Variants in HDAC9 observed in about 807,000 individuals in gnomAD.
HDAC9 encodes histone deacetylase 9, also known as MEF-2 interacting transcription repressor (MITR) protein.
Under a neutral mutation model 139.4 loss-of-function variants are expected in HDAC9, and 41 were observed. The ratio of observed to expected loss-of-function variants is 0.29; its 90% CI spans 0.23 to 0.38. The LOEUF (loss-of-function observed/expected upper bound fraction) is 0.38, where lower values mean the gene tolerates loss of function less well. Ranked by LOEUF, HDAC9 falls within the 10% of genes least tolerant of loss-of-function variation. The pLI, the probability that HDAC9 is intolerant of heterozygous loss-of-function variation, is 1.00. For synonymous variants in HDAC9, 517 were observed against 476.2 expected, an observed-to-expected ratio of 1.09 and a Z score of -1.12; for missense variants, 1,147 against 1,297.0, an observed-to-expected ratio of 0.88 and a Z score of 1.78.
intron 24 of HDAC9, among the ~76,000 whole-genome samples, chr7:18,954,790 A>G (rs955789484): frequency 5.3e-5 from 8 of 152,216 alleles, no homozygotes; most frequent in Admixed American, 1.3e-4. Flanking sequence ...GAAGATTAGC[A>G]TGAAGAGGAA....
chr7:18,743,347 GA>G (rs553932293), intron 13 of HDAC9, among the ~76,000 whole-genome samples: 3 of 151,830 alleles, frequency 2.0e-5, no homozygotes, highest in African/African-American at 7.2e-5. Context: ...TGACTTACAT[GA>G]AAAAAAGACA....
chr7:18,680,016 A>C (rs2129089509), intron 12 of HDAC9, among the ~76,000 whole-genome samples: 1 of 152,072 alleles, frequency 6.6e-6, no homozygotes, highest in African/African-American at 2.4e-5. Flanking sequence ...CAGGATGACA[A>C]TTACTATGGC....
intron 12 of HDAC9, among the ~76,000 whole-genome samples, chr7:18,710,231 G>A (rs1197212255): frequency 6.6e-6 from 1 of 152,148 alleles, no homozygotes; most frequent in Non-Finnish European, 1.5e-5. Flanking sequence ...TCCCACCCAT[G>A]ACACGTGGGA....
chr7:18,192,312 G>A (rs1006055016), intron 2 of HDAC9, among the ~76,000 whole-genome samples: 2 of 152,112 alleles, frequency 1.3e-5, no homozygotes, highest in African/African-American at 4.8e-5. Flanking sequence ...CTGCTGCTGC[G>A]TAATATCATT....
At chr7:18,815,328 T>C (rs532418304) in intron 17 of HDAC9, among the ~76,000 whole-genome samples, 1 of 152,194 alleles carries the variant, frequency 6.6e-6, no homozygotes, top group South Asian at 2.1e-4. Flanking sequence ...CCAATTGAAT[T>C]GTTGGGCCTT....
At chr7:18,154,577 A>G (rs1787032908) in intron 1 of HDAC9, among the ~76,000 whole-genome samples, 1 of 152,216 alleles carries the variant, frequency 6.6e-6, no homozygotes, top group South Asian at 2.1e-4. Flanking sequence ...TAAGTTAAAT[A>G]ATTCATGTTT....
intron 2 of HDAC9, among the ~76,000 whole-genome samples, chr7:18,268,822 T>C (rs1796164989): frequency 6.6e-6 from 1 of 152,206 alleles, no homozygotes; most frequent in Admixed American, 6.5e-5. Context: ...GATAACCACT[T>C]GAAAGGAACT....
chr7:18,812,890 T>C (rs187551482), intron 17 of HDAC9, among the ~76,000 whole-genome samples: 309 of 152,092 alleles, frequency 2.0e-3, no homozygotes, highest in Non-Finnish European at 3.9e-3. Flanking sequence ...TGTCTTTAAA[T>C]TCTTTGTCCT....
intron 24 of HDAC9, among the ~76,000 whole-genome samples, chr7:18,962,473 GA>G (rs1783588875): frequency 1.3e-5 from 2 of 152,076 alleles, no homozygotes; most frequent in Non-Finnish European, 2.9e-5. Context: ...GAATAAAAAA[GA>G]AAAGTCTGCC....
chr7:18,211,004 G>C (rs964237623), intron 2 of HDAC9, among the ~76,000 whole-genome samples: 6 of 152,178 alleles, frequency 3.9e-5, no homozygotes, highest in Admixed American at 6.5e-5. Context: ...TATGACCACA[G>C]TTACTTAAAA....
chr7:18,427,207 T>G (rs1790196304), intron 1 of HDAC9, among the ~76,000 whole-genome samples: 1 of 152,142 alleles, frequency 6.6e-6, no homozygotes, highest in Non-Finnish European at 1.5e-5. Context: ...TTCTCTCTAT[T>G]CCTAAATTCC....
intron 6 of HDAC9, among the ~76,000 whole-genome samples, chr7:18,625,946 C>CAAAAAAAAA (rs11312304): frequency 1.6e-5 from 1 of 60,944 alleles, no homozygotes. Flanking sequence ...GACTCCATCT[C>CAAAAAAAAA]AAAAAAAAAA....
chr7:18,893,033 GAAAAA>G (rs71960483), intron 22 of HDAC9, among the ~76,000 whole-genome samples: 4 of 66,890 alleles, frequency 6.0e-5, no homozygotes, highest in African/African-American at 1.6e-4. Context: ...GTAATAGGCC[GAAAAA>G]AAAAAAAAAA....
At chr7:18,463,092 C>A (rs1793985825) in intron 1 of HDAC9, among the ~76,000 whole-genome samples, 1 of 151,828 alleles carries the variant, frequency 6.6e-6, no homozygotes, top group Non-Finnish European at 1.5e-5. Context: ...TAAAATTTTT[C>A]TTGAAGAGTC....
At chr7:18,858,091 T>C (rs1797825684) in intron 21 of HDAC9, among the ~76,000 whole-genome samples, 1 of 152,152 alleles carries the variant, frequency 6.6e-6, no homozygotes, top group African/African-American at 2.4e-5. Context: ...CATGTCACAG[T>C]ATCATGACAG....
chr7:18,954,926 C>G (rs1783046158), intron 24 of HDAC9, among the ~76,000 whole-genome samples: 1 of 151,994 alleles, frequency 6.6e-6, no homozygotes, highest in Non-Finnish European at 1.5e-5. Flanking sequence ...TGGGTCATTG[C>G]CTTTGCTTGT....
chr7:18,160,573 C>T (rs1415176535), intron 1 of HDAC9, among the ~76,000 whole-genome samples: 1 of 152,032 alleles, frequency 6.6e-6, no homozygotes, highest in Non-Finnish European at 1.5e-5. Flanking sequence ...TGTCTAAAAG[C>T]ACTTTGTAAC....
intron 2 of HDAC9, among the ~76,000 whole-genome samples, chr7:18,552,434 A>G (rs1817461352): frequency 6.6e-6 from 1 of 151,982 alleles, no homozygotes; most frequent in African/African-American, 2.4e-5. Flanking sequence ...TTACTGCAAC[A>G]AAGTTAAAAA....
chr7:18,885,978 C>T (rs187841500), intron 22 of HDAC9, among the ~76,000 whole-genome samples: 1 of 152,056 alleles, frequency 6.6e-6, no homozygotes, highest in African/African-American at 2.4e-5. Flanking sequence ...AGGGAATATG[C>T]AAGACATTTA....
Sources: allele counts gnomAD v4.1 joint callset (sites outside exome capture counted in the v4.1 genomes callset), GRCh38; gene constraint gnomAD v4.1.1; transcripts MANE v1.5; gene names NCBI Gene and HGNC (gene_info 2026-07-23, HGNC 2026-07-21).